Variants in SGCZ observed in about 807,000 individuals in gnomAD.
SGCZ encodes zeta-sarcoglycan.
In SGCZ, 40 loss-of-function variants were observed where a neutral mutation model predicts 41.3. The observed-to-expected ratio is 0.97, with a 90% CI of 0.75 to 1.26. SGCZ has a LOEUF of 1.26. SGCZ is among the 50% of genes most tolerant of loss of function. The pLI, the probability that SGCZ is intolerant of heterozygous loss-of-function variation, is 0.00. For missense variants in SGCZ, 552 were observed against 369.8 expected (o/e 1.49, Z -4.04); for synonymous variants, 206 against 137.5 (o/e 1.50, Z -3.49).
chr8:15,041,483 T>C (rs1313478148), intron 1 of SGCZ, among the ~76,000 whole-genome samples: 1 of 152,124 alleles, frequency 6.6e-6, no homozygotes, highest in Non-Finnish European at 1.5e-5. Context: ...TTATATGGCT[T>C]ATTTTCTTTA....
intron 1 of SGCZ, among the ~76,000 whole-genome samples, chr8:14,810,491 A>G (rs1801706240): frequency 1.3e-5 from 2 of 152,194 alleles, no homozygotes; most frequent in South Asian, 4.1e-4. Flanking sequence ...ATCAGGAATA[A>G]GAATGAAGCT....
intron 3 of SGCZ, among the ~76,000 whole-genome samples, chr8:14,240,327 C>CAAAA (rs59351247): frequency 2.2e-4 from 25 of 115,228 alleles, no homozygotes; most frequent in African/African-American, 6.5e-4. Context: ...AACTCTGTGT[C>CAAAA]AAAAAAAAAA....
At chr8:14,417,633 A>C (rs1029380470) in intron 2 of SGCZ, among the ~76,000 whole-genome samples, 1 of 151,918 alleles carries the variant, frequency 6.6e-6, no homozygotes, top group African/African-American at 2.4e-5. Context: ...TTGAATAAAC[A>C]TAAAAATAAC....
At chr8:14,267,249 C>T (rs907857350) in intron 3 of SGCZ, among the ~76,000 whole-genome samples, 5 of 151,802 alleles carry the variant, frequency 3.3e-5, no homozygotes, top group African/African-American at 9.7e-5. Context: ...AGTTTTAATA[C>T]TGAACAAGTA....
intron 1 of SGCZ, among the ~76,000 whole-genome samples, chr8:14,790,010 A>T (rs970111192): frequency 6.6e-6 from 1 of 152,216 alleles, no homozygotes; most frequent in South Asian, 2.1e-4. Context: ...TAACATATAA[A>T]TAATAAATGT....
chr8:15,099,285 A>G (rs1313572010), intron 1 of SGCZ, among the ~76,000 whole-genome samples: 1 of 152,174 alleles, frequency 6.6e-6, no homozygotes, highest in Non-Finnish European at 1.5e-5. Context: ...AAATACTAAA[A>G]TGGAAATTAC....
intron 1 of SGCZ, among the ~76,000 whole-genome samples, chr8:14,722,592 C>T (rs1170005684): frequency 6.6e-6 from 1 of 151,410 alleles, no homozygotes; most frequent in Non-Finnish European, 1.5e-5. Context: ...AAAAGGAAAA[C>T]ACAAGAAATG....
chr8:14,831,595 T>A (rs1459415684), intron 1 of SGCZ, among the ~76,000 whole-genome samples: 6 of 115,568 alleles, frequency 5.2e-5, no homozygotes, highest in Non-Finnish European at 8.7e-5. Flanking sequence ...TCTACAAGTG[T>A]GTTTGTGTGT....
chr8:14,344,417 A>G (rs1802819946), intron 2 of SGCZ, among the ~76,000 whole-genome samples: 1 of 152,062 alleles, frequency 6.6e-6, no homozygotes, highest in African/African-American at 2.4e-5. Flanking sequence ...CAAATCAGTA[A>G]CTGAAAAAAA....
At chr8:14,476,205 C>G (rs1413763735) in intron 2 of SGCZ, among the ~76,000 whole-genome samples, 1 of 152,100 alleles carries the variant, frequency 6.6e-6, no homozygotes, top group Non-Finnish European at 1.5e-5. Flanking sequence ...GCATTTGAAT[C>G]TGTAGTCAAG....
intron 1 of SGCZ, among the ~76,000 whole-genome samples, chr8:15,074,343 G>T (rs1352727706): frequency 6.6e-6 from 1 of 152,084 alleles, no homozygotes; most frequent in Non-Finnish European, 1.5e-5. Flanking sequence ...ACTGGCTGTC[G>T]TGCAGCTGGC....
chr8:14,712,715 T>C (rs1809561200), intron 1 of SGCZ, among the ~76,000 whole-genome samples: 1 of 152,094 alleles, frequency 6.6e-6, no homozygotes, highest in African/African-American at 2.4e-5. Context: ...GCCTTGAGAA[T>C]AGTTTTATTT....
At position 15,093,724 on chromosome 8, in the gene SGCZ, G is replaced by T. The variant is rs534742871; in HGVS notation, c.39+143861C>A. Among the ~76,000 whole-genome samples the T allele has an allele frequency of 1.4e-4, 22 of 152,204 alleles. No individual in the cohort carries two copies. The East Asian group carries it at 4.2e-3, about 29-fold the overall frequency. On this transcript the variant is annotated intron_variant, in intron 1 of 7. Coordinates refer to ENST00000382080, the MANE Select transcript of SGCZ (RefSeq NM_139167.4). ...CTTCACTGTATTATATTATCCTCAA[G>T]GTTAATTGATTTATGACGATTTGAC...
chr8:14,499,753 T>C (rs1166225026), intron 2 of SGCZ, among the ~76,000 whole-genome samples: 2 of 151,854 alleles, frequency 1.3e-5, no homozygotes, highest in African/African-American at 2.4e-5. Context: ...TATCTTCCCC[T>C]TATCAATTTG....
In SGCZ at chr8:14,886,384, T is replaced by C. The variant is rs185127283; in HGVS notation, c.40-331458A>G. Among the ~76,000 whole-genome samples, 288 of 151,278 alleles carry C rather than the reference T, an allele frequency of 1.9e-3. 1 individual carries two copies. Among genetic ancestry groups the C allele is most frequent in the African/African-American group, 6.6e-3 (273 of 41,204 alleles). ...TAACATATGGTTTATTAGACAGAGG[T>C]GAAAGCTAAGGGGAAGCAAAATATA... is the stretch of plus-strand genomic sequence containing the variant. On this transcript the variant is annotated intron_variant, in intron 1 of 7. Transcript: ENST00000382080.
intron 2 of SGCZ, among the ~76,000 whole-genome samples, chr8:14,521,727 A>G (rs867463613): frequency 1.3e-5 from 2 of 152,136 alleles, no homozygotes; most frequent in African/African-American, 2.4e-5. Flanking sequence ...CCAAACGGCT[A>G]TATCAATTTA....
intron 1 of SGCZ, among the ~76,000 whole-genome samples, chr8:14,652,646 G>A (rs1341003667): frequency 2.6e-5 from 4 of 151,984 alleles, no homozygotes; most frequent in South Asian, 2.1e-4. Context: ...TCAAAACTAT[G>A]TGCCATTTTG....
At chr8:14,662,838 G>A (rs1038929958) in intron 1 of SGCZ, among the ~76,000 whole-genome samples, 5 of 152,134 alleles carry the variant, frequency 3.3e-5, no homozygotes, top group Admixed American at 1.3e-4. Flanking sequence ...GATGCAACAG[G>A]AGAAGAATTT....
At chr8:15,170,149 G>A (rs1563163642) in intron 1 of SGCZ, among the ~76,000 whole-genome samples, 2 of 152,112 alleles carry the variant, frequency 1.3e-5, no homozygotes, top group Non-Finnish European at 2.9e-5. Flanking sequence ...TGTGCAGACT[G>A]AAGTTATTTT....
Sources: gnomAD v4.1 joint callset for allele counts (sites outside exome capture counted in the v4.1 genomes callset) on GRCh38, gnomAD v4.1.1 for gene constraint, MANE v1.5 for transcripts, NCBI Gene and HGNC (gene_info 2026-07-23, HGNC 2026-07-21) for gene names.